SPAST: variants seen among roughly 807,000 people sequenced by gnomAD.
The protein encoded by SPAST is spastic paraplegia 4 (autosomal dominant; spastin).
A neutral mutation model predicts 76.6 loss-of-function variants in SPAST; 30 were observed. That is an observed-to-expected ratio of 0.39 (90% CI 0.29 to 0.53). The LOEUF (loss-of-function observed/expected upper bound fraction) is 0.53, where lower values mean the gene tolerates loss of function less well. Among genes scored for constraint, SPAST ranks in the 20% least tolerant of loss-of-function variants. The pLI is 0.68. For synonymous variants in SPAST, 305 were observed against 281.0 expected (o/e 1.09, Z -0.86); for missense variants, 717 against 770.5 (o/e 0.93, Z 0.82).
chr2:32,155,019 A>G lies in SPAST; in HGVS notation c.*523A>G, dbSNP rs1171581337. On this transcript the variant is annotated 3_prime_UTR_variant, in exon 17 of 17. Transcript: ENST00000315285. ...TTATAAATTCAGTGTGCCAAATGAA[A>G]CTTTTTTCCTAAGTAACTGTAATAG... is the stretch of plus-strand genomic sequence containing the variant. The G allele has an allele frequency of 6.5e-6, 1 of 153,672 alleles. No individual in the cohort carries two copies. The highest frequency in any genetic ancestry group is 1.9e-4 in the East Asian group (1 of 5,222). 9.5% of individuals were successfully genotyped at this position (153,672 alleles called of 1,614,324 possible). A position where few individuals can be genotyped will look rare whatever the true frequency, so the allele number is the denominator to read the frequency against.
At chr2:32,064,836 T>C (rs1676444513) in intron 1 of SPAST, among the ~76,000 whole-genome samples, 1 of 152,228 alleles carries the variant, frequency 6.6e-6, no homozygotes, top group Non-Finnish European at 1.5e-5. Flanking sequence ...CATAAAACTT[T>C]TCCCCCTGTT....
At chr2:32,101,079 A>G (rs1196566622) in intron 4 of SPAST, among the ~76,000 whole-genome samples, 2 of 152,182 alleles carry the variant, frequency 1.3e-5, no homozygotes, top group African/African-American at 4.8e-5. Context: ...TCCCATCAAC[A>G]GTGTAAAAGT....
At chr2:32,127,071 A>G in intron 8 of SPAST, 49 bp downstream of exon 8, 1 of 1,283,336 alleles carries the variant, frequency 7.8e-7, no homozygotes, top group Non-Finnish European at 1.1e-6. Flanking sequence ...ATTTGGGATA[A>G]TATGAAAAAA....
In SPAST at chr2:32,065,076, A is replaced by G. The variant is rs773114145; in HGVS notation, c.415+830A>G. ...GCCCTGTCGCCCAAGCTGGAGTGCA[A>G]TGGTGCAGTCTCGGCTCACTGCAAC... On this transcript the variant is annotated intron_variant, in intron 1 of 16. Transcript: ENST00000315285. Among the ~76,000 whole-genome samples, 5 of 151,760 alleles carry G rather than the reference A, an allele frequency of 3.3e-5. No individual in the cohort carries two copies. The South Asian group carries it at 6.2e-4, about 19-fold the overall frequency.
chr2:32,143,537 C>G (rs1250774290), intron 14 of SPAST, 122 bp downstream of exon 14: 5 of 677,756 alleles, frequency 7.4e-6, no homozygotes, highest in African/African-American at 5.5e-5. Flanking sequence ...AGAAGACTTT[C>G]TCTCATCCTC....
At chr2:32,128,000 A>G (rs936573396) in intron 8 of SPAST, 1 of 181,830 alleles carries the variant, frequency 5.5e-6, no homozygotes. Context: ...TTTATTTTTT[A>G]TTAATTTTTT....
intron 4 of SPAST, among the ~76,000 whole-genome samples, chr2:32,106,290 C>T (rs1485920625): frequency 6.6e-6 from 1 of 152,146 alleles, no homozygotes; most frequent in Non-Finnish European, 1.5e-5. Flanking sequence ...CCTGGTGTGC[C>T]GTTTGCTAAG....
rs770566493 is a variant in SPAST at position 32,087,694 on chromosome 2, C to CTTTTTTTTTTTT, written c.502+123_502+134dup. ...TTCTTTCTTTCTTTTCTTTTCTTTT[C>CTTTTTTTTTTTT]TTTTTTTTTTTTTTTTTTGAGACAG... On this transcript the variant is annotated intron_variant, in intron 2 of 16. Coordinates refer to ENST00000315285, the MANE Select transcript of SPAST (RefSeq NM_014946.4). The CTTTTTTTTTTTT allele has an allele frequency of 6.0e-4, 111 of 186,222 alleles. 1 individual carries two copies. The highest frequency in any genetic ancestry group is 1.0e-3 in the East Asian group (7 of 6,804). The allele number at this position is 186,222 out of a possible 1,614,324, so 11.5% of individuals were successfully genotyped here.
chr2:32,139,432 C>CA (rs1441538427), intron 12 of SPAST, among the ~76,000 whole-genome samples: 8 of 152,294 alleles, frequency 5.3e-5, no homozygotes, highest in Admixed American at 3.9e-4. Flanking sequence ...ATTCAGGATA[C>CA]AAAATCAGTG....
intron 4 of SPAST, among the ~76,000 whole-genome samples, chr2:32,112,924 T>C (rs1286675554): frequency 6.6e-6 from 1 of 152,108 alleles, no homozygotes; most frequent in African/African-American, 2.4e-5. Flanking sequence ...GTTTGTTGCG[T>C]AGTATGTAAA....
chr2:32,097,254 AGG>A (rs1427640693), intron 3 of SPAST, among the ~76,000 whole-genome samples: 1 of 152,064 alleles, frequency 6.6e-6, no homozygotes, highest in Admixed American at 6.6e-5. Flanking sequence ...AGATCTTGGG[AGG>A]GGTTTTTGTT....
chr2:32,137,076 T>C lies in SPAST; in HGVS notation c.1414-33T>C, dbSNP rs1393893369. The stretch of plus-strand genomic sequence containing the variant: ...ATCTTTATATTTGTTATTACTTTTC[T>C]AAATGAATTGAAAAAAGATTTTTTG... On this transcript the variant is annotated intron_variant, in intron 11 of 16. Coordinates refer to ENST00000315285, the MANE Select transcript of SPAST (RefSeq NM_014946.4). 3 of 1,591,286 alleles carry C rather than the reference T, an allele frequency of 1.9e-6. No individual in the cohort carries two copies. In the South Asian group the frequency reaches 3.3e-5, roughly 18 times the overall value.
chr2:32,143,289 A>T, intron 13 of SPAST, 47 bp from the exon 14 acceptor site: 1 of 1,148,052 alleles, frequency 8.7e-7, no homozygotes, highest in Non-Finnish European at 1.3e-6. Flanking sequence ...GAAAAGAATC[A>T]TTAATTCTGA....
At chr2:32,143,659 T>G (rs1679795237) in intron 14 of SPAST, among the ~76,000 whole-genome samples, 1 of 152,182 alleles carries the variant, frequency 6.6e-6, no homozygotes, top group South Asian at 2.1e-4. Flanking sequence ...TATATTCTTT[T>G]TATAAATTTA....
At chr2:32,149,697 A>T (rs1264433333) in intron 16 of SPAST, among the ~76,000 whole-genome samples, 1 of 152,212 alleles carries the variant, frequency 6.6e-6, no homozygotes, top group Non-Finnish European at 1.5e-5. Context: ...AACTATTTAC[A>T]TTGCATTTAC....
chr2:32,072,335 G>T (rs1573042202), intron 1 of SPAST, among the ~76,000 whole-genome samples: 1 of 152,300 alleles, frequency 6.6e-6, no homozygotes, highest in East Asian at 1.9e-4. Flanking sequence ...GAGCCACTGT[G>T]CCCGGCCTCA....
rs115648976 is a variant in SPAST, at chr2:32,106,404, G to A, written c.682+7513G>A. 9.3e-3 allele frequency among the ~76,000 whole-genome samples: 1,408 copies of A among 152,216 alleles called. 18 individuals carry two copies. The highest frequency in any genetic ancestry group is 0.037 in the Middle Eastern group (11 of 294). On this transcript the variant is annotated intron_variant, in intron 4 of 16. Coordinates refer to ENST00000315285, the MANE Select transcript of SPAST (RefSeq NM_014946.4). The stretch of plus-strand genomic sequence containing the variant: ...GAGAGGGAATTCCCCAACCCCTTGC[G>A]CTTCCCAGGTGAGGCAATACCCCGC...
intron 4 of SPAST, among the ~76,000 whole-genome samples, chr2:32,099,849 A>G (rs1306626008): frequency 1.3e-5 from 2 of 151,960 alleles, no homozygotes; most frequent in African/African-American, 4.8e-5. Flanking sequence ...TTTCTATGAG[A>G]TTAACTTTTT....
In SPAST at chr2:32,124,696, A is replaced by C. The variant is rs149003919; in HGVS notation, c.1099-2252A>C. On this transcript the variant is annotated intron_variant, in intron 7 of 16. Coordinates refer to ENST00000315285, the MANE Select transcript of SPAST (RefSeq NM_014946.4). ...CAGACTTTGGTATATCATGTAATGGAGTATTATTCAGCAATAAAAAGAAAT... is the reference window on the plus strand; with the variant it reads ...CAGACTTTGGTATATCATGTAATGGCGTATTATTCAGCAATAAAAAGAAAT... Among the ~76,000 whole-genome samples the C allele has an allele frequency of 1.3e-4, 20 of 152,350 alleles. 1 individual carries two copies. In the East Asian group the frequency reaches 3.7e-3, roughly 28 times the overall value.
Sources: allele counts gnomAD v4.1 joint callset (sites outside exome capture counted in the v4.1 genomes callset), GRCh38; gene constraint gnomAD v4.1.1; transcripts MANE v1.5; gene names NCBI Gene and HGNC (gene_info 2026-07-23, HGNC 2026-07-21).